RASSF5: variants seen among roughly 807,000 people sequenced by gnomAD.
RASSF5 encodes the protein ras association domain-containing protein 5.
In RASSF5, 25 loss-of-function variants were observed where a neutral mutation model predicts 40.5. The observed-to-expected ratio is 0.62, with a 90% CI of 0.45 to 0.86. The LOEUF (loss-of-function observed/expected upper bound fraction) is 0.86. RASSF5 is among the 40% of genes least tolerant of loss of function. RASSF5 has a pLI of 0.00. For missense variants in RASSF5, 521 were observed against 572.8 expected (o/e 0.91, Z 0.92); for synonymous variants, 246 against 252.4 (o/e 0.97, Z 0.24).
Position 206,586,885 on chromosome 1 carries a change from G to A in RASSF5, c.1164G>A (p.Glu388=). The part of the protein sequence containing the change: ...QNFLTILEKE[E]QDKIQQVQKK... Reference sequence around the variant, plus strand: ...TCCTAACAATCCTGGAAAAAGAGGAGCAGGACAAAATCCAACAAGTGCAAA... The same window carrying A: ...TCCTAACAATCCTGGAAAAAGAGGAACAGGACAAAATCCAACAAGTGCAAA... The change falls in exon 6 of 6, where the codon GAG becomes GAA. Residue 388 remains glutamate (E), a synonymous_variant. Transcript: ENST00000579436. 3 of 1,614,150 alleles carry A rather than the reference G, an allele frequency of 1.9e-6. No homozygotes were observed. The highest frequency in any genetic ancestry group is 1.3e-5 in the African/African-American group (1 of 75,046).
Position 206,586,903 on chromosome 1 carries a change from A to G in RASSF5, c.1182A>G (p.Gln394=). 1.9e-6 allele frequency: 3 copies of G among 1,614,228 alleles called. No homozygotes were observed. Among genetic ancestry groups the G allele is most frequent in the East Asian group, 2.2e-5 (1 of 44,896 alleles). ...AAGAGGAGCAGGACAAAATCCAACA[A>G]GTGCAAAAGAAGTATGACAAGTTTA... ...LEKEEQDKIQ[Q]VQKKYDKFRQ... The change falls in exon 6 of 6, where the codon CAA becomes CAG. Residue 394 remains glutamine, a synonymous_variant. Coordinates refer to ENST00000579436, the MANE Select transcript of RASSF5 (RefSeq NM_182663.4).
At chr1:206,525,364 A>G (rs1667073528) in intron 1 of RASSF5, among the ~76,000 whole-genome samples, 1 of 152,180 alleles carries the variant, frequency 6.6e-6, no homozygotes. Context: ...GGCTTGGAGA[A>G]TAAATCACTG....
chr1:206,523,723 T>A (rs868915571), intron 1 of RASSF5, among the ~76,000 whole-genome samples: 2 of 91,486 alleles, frequency 2.2e-5, no homozygotes, highest in Admixed American at 2.0e-4. Flanking sequence ...TACAATATAT[T>A]TATATATTAT....
At chr1:206,557,531 C>A (rs782668776) in intron 2 of RASSF5, 2 of 1,610,396 alleles carry the variant, frequency 1.2e-6, no homozygotes, top group Non-Finnish European at 1.7e-6. Flanking sequence ...CAAGCCCGGC[C>A]CCCTTGATGC....
chr1:206,581,784 T>C (rs933022857), intron 2 of RASSF5, among the ~76,000 whole-genome samples: 36 of 151,778 alleles, frequency 2.4e-4, no homozygotes, highest in African/African-American at 8.7e-4. Flanking sequence ...TTCTGTGGGA[T>C]TGGAAAGTGG....
chr1:206,556,558 C>T (rs138809594), intron 2 of RASSF5, among the ~76,000 whole-genome samples: 9 of 152,262 alleles, frequency 5.9e-5, no homozygotes, highest in African/African-American at 7.2e-5. Flanking sequence ...TCAGACTATC[C>T]GGAAGATACA....
Position 206,558,332 on chromosome 1 carries a change from G to A in RASSF5, c.579+20039G>A, listed in dbSNP as rs555152936. 1.1e-4 allele frequency among the ~76,000 whole-genome samples: 16 copies of A among 152,088 alleles called. No individual in the cohort carries two copies. In the South Asian group the frequency reaches 3.1e-3, roughly 30 times the overall value. On this transcript the variant is annotated intron_variant, in intron 2 of 5. Transcript: ENST00000579436. ...TGACTTGTATTTCCTAAAGGTGTCCGCCTCTAGACACCCAGCAAGCCTGGG... is the reference window on the plus strand; with the variant it reads ...TGACTTGTATTTCCTAAAGGTGTCCACCTCTAGACACCCAGCAAGCCTGGG...
At chr1:206,566,493 G>A (rs548717357) in intron 2 of RASSF5, among the ~76,000 whole-genome samples, 1 of 152,258 alleles carries the variant, frequency 6.6e-6, no homozygotes, top group East Asian at 1.9e-4. Flanking sequence ...GTGGTGAGTG[G>A]TGGTGAACTG....
intron 2 of RASSF5, among the ~76,000 whole-genome samples, chr1:206,581,540 A>C (rs916393207): frequency 2.0e-5 from 3 of 152,250 alleles, no homozygotes; most frequent in Admixed American, 6.5e-5. Flanking sequence ...CAGAGATTGC[A>C]GTCAGCCAAG....
intron 2 of RASSF5, chr1:206,557,317 C>T (rs1297239128): frequency 1.6e-6 from 2 of 1,256,900 alleles, no homozygotes; most frequent in South Asian, 2.3e-5. Context: ...GCCGGGCGCC[C>T]GGGGCTCTGC....
At chr1:206,527,640 T>A (rs1455739785) in intron 1 of RASSF5, among the ~76,000 whole-genome samples, 2 of 152,124 alleles carry the variant, frequency 1.3e-5, no homozygotes, top group African/African-American at 4.8e-5. Context: ...AGCTGTGAAG[T>A]GGCACATCCC....
intron 1 of RASSF5, among the ~76,000 whole-genome samples, chr1:206,528,244 A>C (rs111714675): frequency 1.3e-5 from 2 of 151,456 alleles, no homozygotes; most frequent in South Asian, 4.2e-4. Context: ...TTTTTTAATT[A>C]AAAAAAAAGA....
chr1:206,522,383 C>G (rs1340856043), intron 1 of RASSF5, among the ~76,000 whole-genome samples: 5 of 152,148 alleles, frequency 3.3e-5, no homozygotes, highest in African/African-American at 1.2e-4. Flanking sequence ...AATTTAATTG[C>G]CCTGTTCAAA....
chr1:206,580,169 A>G (rs916076461), intron 2 of RASSF5, among the ~76,000 whole-genome samples: 1 of 152,210 alleles, frequency 6.6e-6, no homozygotes, highest in Non-Finnish European at 1.5e-5. Context: ...AGATGGGTCT[A>G]TCTGCTGAAG....
Position 206,587,389 on chromosome 1 carries a change from A to C in RASSF5, c.*411A>C. On this transcript the variant is annotated 3_prime_UTR_variant, in exon 6 of 6. Transcript: ENST00000579436. ...CTTTGAGTTCTCTTACTTGCCACGT[A>C]CAGGACCATTATTTATGAGTGAAAA... 3.4e-6 allele frequency: 1 copy of C among 296,346 alleles called. No individual in the cohort carries two copies. Among genetic ancestry groups the C allele is most frequent in the South Asian group, 3.0e-5 (1 of 33,088 alleles). The allele number at this position is 296,346 out of a possible 1,614,324, so 18.4% of individuals were successfully genotyped here. A position where few individuals can be genotyped will look rare whatever the true frequency, so the allele number is the denominator to read the frequency against.
At chr1:206,511,054 T>A (rs1382715455) in intron 1 of RASSF5, among the ~76,000 whole-genome samples, 5 of 152,326 alleles carry the variant, frequency 3.3e-5, no homozygotes, top group East Asian at 1.9e-4. Context: ...CTTACCCCAC[T>A]TCAAGGTCTG....
At chr1:206,568,394 G>C (rs575701788) in intron 2 of RASSF5, among the ~76,000 whole-genome samples, 1 of 152,212 alleles carries the variant, frequency 6.6e-6, no homozygotes, top group Non-Finnish European at 1.5e-5. Context: ...TGCAGGTGGA[G>C]GGAAGCCAGG....
intron 2 of RASSF5, among the ~76,000 whole-genome samples, chr1:206,558,392 C>T (rs1013689171): frequency 9.9e-5 from 15 of 151,824 alleles, no homozygotes; most frequent in African/African-American, 3.4e-4. Context: ...CTGCAGGCCT[C>T]GTGTCTGTCA....
intron 1 of RASSF5, 25 bp from the exon 2 acceptor site, chr1:206,538,147 T>C: frequency 2.5e-6 from 4 of 1,613,994 alleles, no homozygotes; most frequent in Non-Finnish European, 3.4e-6. Context: ...TGTCCTCTAA[T>C]CTCCCTTTTG....
Sources: gnomAD v4.1 joint callset for allele counts (sites outside exome capture counted in the v4.1 genomes callset) on GRCh38, gnomAD v4.1.1 for gene constraint, MANE v1.5 for transcripts, NCBI Gene and HGNC (gene_info 2026-07-23, HGNC 2026-07-21) for gene names.